Variants in SCEL observed in about 807,000 individuals in gnomAD.
SCEL encodes sciellin.
Under a neutral mutation model 117.6 loss-of-function variants are expected in SCEL, and 113 were observed. The ratio of observed to expected loss-of-function variants is 0.96; its 90% confidence interval spans 0.83 to 1.12. The LOEUF (loss-of-function observed/expected upper bound fraction) is 1.12. Ranked by LOEUF, SCEL falls within the 50% of genes most tolerant of loss-of-function variation. The probability of loss-of-function intolerance (pLI) is 0.00; values close to 1 mark genes in which losing one functional copy is unlikely to be tolerated. For missense variants in SCEL, 785 were observed against 810.8 expected (o/e 0.97, Z 0.39); for synonymous variants, 270 against 256.2 (o/e 1.05, Z -0.51).
chr13:77,563,889 A>T lies in SCEL; in HGVS notation c.280A>T (p.Thr94Ser). ...ATISRYSSDD[T>S]LDRISDRNDA... The stretch of plus-strand genomic sequence containing the variant: ...AATTAGTCGGTACAGTTCTGATGAC[A>T]CTTTGGACAGGTAAGGGGCTTTTGA... Residue 94 changes from threonine to serine, a missense_variant, in exon 5 of 33, where the codon ACT (threonine) becomes TCT (serine). Physicochemically the swap from Thr to Ser is moderately conservative, Grantham distance 58 (BLOSUM62 1). Transcript: ENST00000349847. 3.8e-6 allele frequency: 6 copies of T among 1,593,428 alleles called. No homozygotes were observed. The highest frequency in any genetic ancestry group is 5.1e-6 in the Non-Finnish European group (6 of 1,172,514).
chr13:77,610,122 C>T lies in SCEL; in HGVS notation c.1337+16C>T, dbSNP rs2088531187. On this transcript the variant is annotated intron_variant, in intron 22 of 32. Coordinates refer to ENST00000349847, the MANE Select transcript of SCEL (RefSeq NM_144777.3). The stretch of plus-strand genomic sequence containing the variant: ...CTAACCAAGGGTAAGGTTTATGGAA[C>T]TCTCTATTTCTCCCCCCTTTTTTTT... The T allele has an allele frequency of 6.4e-7, 1 of 1,562,138 alleles. No individual in the cohort carries two copies. Among genetic ancestry groups the T allele is most frequent in the East Asian group, 2.3e-5 (1 of 44,090 alleles).
At chr13:77,623,391 G>T (rs891751634) in intron 27 of SCEL, 3 of 152,056 alleles carry the variant, frequency 2.0e-5, no homozygotes, top group Non-Finnish European at 4.4e-5. Context: ...GAGTGCGGTG[G>T]TGTTTACTAC....
intron 27 of SCEL, among the ~76,000 whole-genome samples, chr13:77,624,969 G>A (rs1485429497): frequency 6.6e-6 from 1 of 152,232 alleles, no homozygotes; most frequent in East Asian, 1.9e-4. Flanking sequence ...GCAAGGCCAT[G>A]TTAGGCCATA....
In SCEL at chr13:77,570,636, TTTC is replaced by T. The variant is rs375665527; in HGVS notation, c.479+1190_479+1192del. Among the ~76,000 whole-genome samples the T allele has an allele frequency of 3.4e-4, 52 of 152,300 alleles. No homozygotes were observed. In the South Asian group the frequency reaches 9.9e-3, roughly 29 times the overall value. The stretch of plus-strand genomic sequence containing the variant: ...TTAAATCCAGCTTTCCTGTCTGCCT[TTTC>T]TTCTGTAGTGCATATCATTCTCATC... On this transcript the variant is annotated intron_variant, in intron 8 of 32. Coordinates refer to ENST00000349847, the MANE Select transcript of SCEL (RefSeq NM_144777.3).
chr13:77,560,260 G>C (rs1313321781), intron 4 of SCEL, among the ~76,000 whole-genome samples: 2 of 93,736 alleles, frequency 2.1e-5, no homozygotes, highest in Non-Finnish European at 2.1e-5. Context: ...GCCAGACCCT[G>C]CCTCTAAAAA....
intron 14 of SCEL, 104 bp downstream of exon 14, chr13:77,599,492 G>A (rs1021777632): frequency 9.9e-6 from 10 of 1,013,686 alleles, no homozygotes; most frequent in South Asian, 1.4e-5. Context: ...GCATGGAAAT[G>A]TACTGGCAGA....
chr13:77,596,373 A>G (rs73229092), intron 12 of SCEL, among the ~76,000 whole-genome samples: 20,263 of 152,148 alleles, frequency 0.13, 1,430 homozygotes, highest in Non-Finnish European at 0.15. Flanking sequence ...TAAACAAAAA[A>G]TTTAGTAATG....
chr13:77,623,274 G>C (rs546743605), intron 27 of SCEL: 1 of 152,338 alleles, frequency 6.6e-6, no homozygotes, highest in South Asian at 2.1e-4. Context: ...ATCAATCAGA[G>C]TGAATAGCCA....
chr13:77,627,933 A>AT lies in SCEL; in HGVS notation c.1629-7dup, dbSNP rs772785289. The AT allele has an allele frequency of 7.5e-6, 9 of 1,198,132 alleles. No individual in the cohort carries two copies. Among genetic ancestry groups the AT allele is most frequent in the Non-Finnish European group, 9.5e-6 (8 of 843,298 alleles). 74.2% of individuals were successfully genotyped at this position (1,198,132 alleles called of 1,614,324 possible). A position where few individuals can be genotyped will look rare whatever the true frequency, so the allele number is the denominator to read the frequency against. On this transcript the variant is annotated splice_polypyrimidine_tract_variant and intron_variant, in intron 27 of 32. Coordinates refer to ENST00000349847, the MANE Select transcript of SCEL (RefSeq NM_144777.3). Reference sequence around the variant, plus strand: ...ATGTTGTAATTATTCATATATATATATTTTTTTCCTTAGAGACCAGAACCT... The same window carrying AT: ...ATGTTGTAATTATTCATATATATATATTTTTTTTCCTTAGAGACCAGAACCT...
chr13:77,633,280 C>CA (rs1220644636), intron 28 of SCEL, among the ~76,000 whole-genome samples: 1 of 148,142 alleles, frequency 6.8e-6, no homozygotes, highest in Non-Finnish European at 1.5e-5. Context: ...ACTAAAAATA[C>CA]AAAAAATTAG....
chr13:77,554,392 T>C (rs2084528691), intron 1 of SCEL, among the ~76,000 whole-genome samples: 1 of 152,144 alleles, frequency 6.6e-6, no homozygotes, highest in Non-Finnish European at 1.5e-5. Flanking sequence ...GGGAACCTGA[T>C]CTGGACACTT....
Position 77,604,380 on chromosome 13 carries a change from T to C in SCEL, c.1122T>C (p.Ile374=). 6.3e-7 allele frequency: 1 copy of C among 1,578,660 alleles called. No individual in the cohort carries two copies. The highest frequency in any genetic ancestry group is 8.5e-7 in the Non-Finnish European group (1 of 1,170,226). ...GAAAAAAAGACCTTGATGGGCTTATTAAAGTGGATCCTGAAACAAATAAAA... is the reference window on the plus strand; with the variant it reads ...GAAAAAAAGACCTTGATGGGCTTATCAAAGTGGATCCTGAAACAAATAAAA... The part of the protein sequence containing the change: ...TTGKKDLDGL[I]KVDPETNKNI... The change falls in exon 19 of 33, where the codon ATT becomes ATC. Residue 374 remains isoleucine, a synonymous_variant. Transcript: ENST00000349847.
At position 77,560,531 on chromosome 13, in the gene SCEL, G is replaced by GT. The variant is rs530022254; in HGVS notation, c.221+670dup. Among the ~76,000 whole-genome samples the GT allele has an allele frequency of 1.8e-3, 270 of 152,292 alleles. 1 individual carries two copies. Among genetic ancestry groups the GT allele is most frequent in the Admixed American group, 3.5e-3 (53 of 15,296 alleles). On this transcript the variant is annotated intron_variant, in intron 4 of 32. Coordinates refer to ENST00000349847, the MANE Select transcript of SCEL (RefSeq NM_144777.3). ...AAAATACAGAAATAACAACTACAGA[G>GT]TTCACTTGCTTTATGGGACAGTACC...
chr13:77,641,861 C>T (rs1267754133), intron 31 of SCEL, among the ~76,000 whole-genome samples: 4 of 151,998 alleles, frequency 2.6e-5, no homozygotes, highest in Non-Finnish European at 4.4e-5. Context: ...GCAAAACATT[C>T]CAATTTTAGG....
intron 3 of SCEL, among the ~76,000 whole-genome samples, chr13:77,559,510 AAACACAACACAACACAACACAACAC>A (rs5804911): frequency 6.6e-6 from 1 of 151,174 alleles, no homozygotes; most frequent in East Asian, 2.0e-4. Context: ...CAGTCTGATA[AAACACAACACAACACAACACAACAC>A]AACACAACAC....
intron 15 of SCEL, 91 bp from the exon 16 acceptor site, chr13:77,601,974 C>A: frequency 1.1e-6 from 1 of 935,606 alleles, no homozygotes; most frequent in South Asian, 1.8e-5. Flanking sequence ...TGTGGGAAAT[C>A]TGCTGTTGTC....
chr13:77,640,569 G>A (rs1228575560), intron 30 of SCEL, 107 bp from the exon 31 acceptor site: 1 of 441,156 alleles, frequency 2.3e-6, no homozygotes. Flanking sequence ...ATTTTCTAAA[G>A]TAAAGTATCA....
intron 19 of SCEL, among the ~76,000 whole-genome samples, chr13:77,605,019 G>A (rs1378505222): frequency 6.6e-6 from 1 of 152,046 alleles, no homozygotes; most frequent in African/African-American, 2.4e-5. Flanking sequence ...GCTTAACAAA[G>A]TGTGCTTTGT....
Position 77,624,100 on chromosome 13 carries a change from C to CTT in SCEL, c.1629-3826_1629-3825dup, listed in dbSNP as rs566206052. On this transcript the variant is annotated intron_variant, in intron 27 of 32. Transcript: ENST00000349847. Reference sequence around the variant, plus strand: ...TTGGCTTGTGGAAAACTTGTCTTCACTTTTTTTTTTTTTTTTTTTTTTGAG... The same window carrying CTT: ...TTGGCTTGTGGAAAACTTGTCTTCACTTTTTTTTTTTTTTTTTTTTTTTTGAG... Among the ~76,000 whole-genome samples the CTT allele has an allele frequency of 1.4e-3, 165 of 120,298 alleles. 1 individual carries two copies. The highest frequency in any genetic ancestry group is 3.2e-3 in the East Asian group (12 of 3,790). The allele number at this position is 120,298 out of a possible 152,430, so 78.9% of individuals were successfully genotyped here.
Sources: allele counts gnomAD v4.1 joint callset (sites outside exome capture counted in the v4.1 genomes callset), GRCh38; gene constraint gnomAD v4.1.1; transcripts MANE v1.5; gene names NCBI Gene and HGNC (gene_info 2026-07-23, HGNC 2026-07-21).